Variants in TMCO4 observed in about 807,000 individuals in gnomAD.
The protein encoded by TMCO4 is transmembrane and coiled-coil domains 4.
Under a neutral mutation model 64.7 loss-of-function variants are expected in TMCO4, and 58 were observed. That is an observed-to-expected ratio of 0.90 (90% CI 0.73 to 1.12). TMCO4 has a LOEUF of 1.12. Ranked by LOEUF, TMCO4 falls within the 50% of genes most tolerant of loss-of-function variation. The probability of loss-of-function intolerance (pLI) is 0.00; values close to 1 mark genes in which losing one functional copy is unlikely to be tolerated. For missense variants in TMCO4, 780 were observed against 825.9 expected (o/e 0.94, Z 0.68); for synonymous variants, 325 against 346.1 (o/e 0.94, Z 0.68).
chr1:19,686,302 T>A (rs1345572750), intron 15 of TMCO4, among the ~76,000 whole-genome samples: 4 of 152,120 alleles, frequency 2.6e-5, no homozygotes, highest in Non-Finnish European at 4.4e-5. Flanking sequence ...AAGATGCGCA[T>A]GAGACCGGAC....
intron 6 of TMCO4, among the ~76,000 whole-genome samples, chr1:19,759,174 CTCTTAGT>C (rs896350061): frequency 6.7e-6 from 1 of 150,124 alleles, no homozygotes; most frequent in African/African-American, 2.4e-5. Context: ...CTGGGCATTG[CTCTTAGT>C]TCTTGTTTCC....
At position 19,780,718 on chromosome 1, in the gene TMCO4, TGCTGAGGCA is replaced by T. The variant is rs2043431022; in HGVS notation, c.32_40del (p.Leu11_Gln13del). The stretch of plus-strand genomic sequence containing the variant: ...TGCAGTGGGCTCAGCTACCAGAGGC[TGCTGAGGCA>T]GCCTCTGGCATGGCCTGTTCCACAT... On this transcript the variant is annotated inframe_deletion, in exon 4 of 16. Transcript: ENST00000294543. 5.0e-6 allele frequency: 8 copies of T among 1,607,526 alleles called. No individual in the cohort carries two copies. Among genetic ancestry groups the T allele is most frequent in the Non-Finnish European group, 5.9e-6 (7 of 1,178,460 alleles).
At chr1:19,737,281 T>C in intron 13 of TMCO4, 91 bp downstream of exon 13, 1 of 1,294,632 alleles carries the variant, frequency 7.7e-7, no homozygotes, top group South Asian at 1.4e-5. Context: ...GGGAACACAT[T>C]TTGCAAGGCT....
chr1:19,694,958 T>C (rs1252842985), intron 14 of TMCO4, among the ~76,000 whole-genome samples: 2 of 152,224 alleles, frequency 1.3e-5, no homozygotes, highest in African/African-American at 4.8e-5. Context: ...GAAAGGTGGC[T>C]TGTCCAGGGC....
At chr1:19,691,989 G>A (rs994279507) in intron 15 of TMCO4, among the ~76,000 whole-genome samples, 3 of 152,050 alleles carry the variant, frequency 2.0e-5, no homozygotes, top group Non-Finnish European at 4.4e-5. Context: ...TTCACCTTCC[G>A]CCATGATTGT....
chr1:19,703,702 C>T (rs2095287427), intron 13 of TMCO4, among the ~76,000 whole-genome samples: 1 of 152,032 alleles, frequency 6.6e-6, no homozygotes, highest in South Asian at 2.1e-4. Flanking sequence ...CATGCACCAC[C>T]ATGCCTGGCT....
rs553723410 is a variant in TMCO4, at chr1:19,747,409, T to C, written c.516-149A>G. Reference sequence around the variant, plus strand: ...ACCAAAGTCACCTTGAGCCCACTGATGGTTTAAAAAGCTGAAAACATTCTA... The same window carrying C: ...ACCAAAGTCACCTTGAGCCCACTGACGGTTTAAAAAGCTGAAAACATTCTA... On this transcript the variant is annotated intron_variant, in intron 7 of 15. Transcript: ENST00000294543. The C allele has an allele frequency of 1.0e-4, 72 of 711,924 alleles. No individual in the cohort carries two copies. The Middle Eastern group carries it at 1.4e-3, about 14-fold the overall frequency. 44.1% of individuals were successfully genotyped at this position (711,924 alleles called of 1,614,324 possible).
intron 3 of TMCO4, among the ~76,000 whole-genome samples, chr1:19,785,111 C>T (rs929727714): frequency 1.3e-5 from 2 of 152,164 alleles, no homozygotes; most frequent in Non-Finnish European, 2.9e-5. Flanking sequence ...CTTGCACCTG[C>T]CATTCTCCCT....
chr1:19,731,667 T>C (rs1323538680), intron 13 of TMCO4, among the ~76,000 whole-genome samples: 1 of 152,156 alleles, frequency 6.6e-6, no homozygotes, highest in Non-Finnish European at 1.5e-5. Flanking sequence ...TGAGTGTGTG[T>C]GTATTTTTGT....
At chr1:19,685,710 CTTTTTTTTTT>C (rs55783904) in intron 15 of TMCO4, among the ~76,000 whole-genome samples, 1 of 106,616 alleles carries the variant, frequency 9.4e-6, no homozygotes, top group African/African-American at 3.2e-5. Context: ...AGGCCTGTTT[CTTTTTTTTTT>C]TTTTTTTTTT....
chr1:19,747,318 C>T, intron 7 of TMCO4, 58 bp from the exon 8 acceptor site: 1 of 1,425,410 alleles, frequency 7.0e-7, no homozygotes, highest in East Asian at 2.3e-5. Flanking sequence ...CTTGAGACAT[C>T]CCCACCACAC....
chr1:19,748,362 C>T (rs749561126), intron 7 of TMCO4, among the ~76,000 whole-genome samples: 5 of 152,180 alleles, frequency 3.3e-5, no homozygotes, highest in Admixed American at 6.5e-5. Context: ...ATTCGTTCTT[C>T]GTCCATTCAG....
intron 3 of TMCO4, among the ~76,000 whole-genome samples, chr1:19,781,996 A>G (rs2043513912): frequency 6.6e-6 from 1 of 152,224 alleles, no homozygotes; most frequent in Admixed American, 6.5e-5. Context: ...TGGTATAACT[A>G]TTTGGAAAAT....
chr1:19,776,239 G>A (rs1450724978), intron 4 of TMCO4, among the ~76,000 whole-genome samples: 1 of 152,186 alleles, frequency 6.6e-6, no homozygotes, highest in African/African-American at 2.4e-5. Flanking sequence ...CATGTTTTGT[G>A]CATCAGAAAA....
intron 10 of TMCO4, 30 bp downstream of exon 10, chr1:19,745,502 C>A: frequency 6.2e-7 from 1 of 1,613,866 alleles, no homozygotes. Flanking sequence ...CTGCCCACCC[C>A]CCTCCACTTC....
At chr1:19,772,927 C>G (rs61768335) in intron 4 of TMCO4, among the ~76,000 whole-genome samples, 1 of 152,106 alleles carries the variant, frequency 6.6e-6, no homozygotes, top group Admixed American at 6.5e-5. Flanking sequence ...CAGTGGCTCA[C>G]GCCTGTAATC....
chr1:19,687,268 G>A (rs2100526536), intron 15 of TMCO4, among the ~76,000 whole-genome samples: 1 of 152,250 alleles, frequency 6.6e-6, no homozygotes, highest in South Asian at 2.1e-4. Context: ...AATTTTAAAT[G>A]TAGAGATGGG....
intron 3 of TMCO4, among the ~76,000 whole-genome samples, chr1:19,784,318 G>A (rs2043626409): frequency 6.6e-6 from 1 of 152,086 alleles, no homozygotes; most frequent in Admixed American, 6.6e-5. Flanking sequence ...TGGATCACTT[G>A]AGGTCAAGAG....
chr1:19,684,809 G>A (rs965238287), intron 15 of TMCO4, among the ~76,000 whole-genome samples: 2 of 152,188 alleles, frequency 1.3e-5, no homozygotes, highest in African/African-American at 4.8e-5. Flanking sequence ...CTCTTTAAGA[G>A]GAGGAGTGCT....
Sources: allele counts gnomAD v4.1 joint callset (sites outside exome capture counted in the v4.1 genomes callset), GRCh38; gene constraint gnomAD v4.1.1; transcripts MANE v1.5; gene names NCBI Gene and HGNC (gene_info 2026-07-23, HGNC 2026-07-21).